UBTF: variants seen among roughly 807,000 people sequenced by gnomAD.
UBTF encodes the protein upstream binding transcription factor.
Under a neutral mutation model 112.3 loss-of-function variants are expected in UBTF, and 8 were observed. The ratio of observed to expected loss-of-function variants is 0.07; its 90% CI spans 0.04 to 0.13. The LOEUF is 0.13. UBTF is among the 10% of genes least tolerant of loss of function. The pLI, the probability that UBTF is intolerant of heterozygous loss-of-function variation, is 1.00. For missense variants in UBTF, 457 were observed against 982.1 expected, an observed-to-expected ratio of 0.47 and a Z score of 7.15; for synonymous variants, 417 against 373.1, an observed-to-expected ratio of 1.12 and a Z score of -1.36.
chr17:44,220,917 C>CTCCG (rs2047157756), upstream of UBTF: 1 of 148,702 alleles, frequency 6.7e-6, no homozygotes, highest in African/African-American at 2.5e-5. Flanking sequence ...GCCCGCCCCG[C>CTCCG]TCCGCCCGCC....
Position 44,211,361 on chromosome 17 carries a change from C to T in UBTF, c.1048-30G>A, listed in dbSNP as rs2056665737. On this transcript the variant is annotated intron_variant, in intron 10 of 20. Coordinates refer to ENST00000436088, the MANE Select transcript of UBTF (RefSeq NM_014233.4). This position sits in a 1 kb window ranked among gnomAD's most constrained non-coding sequence, Gnocchi z 4.9. ...GAAAGTGAGTGGAGTCAGGATCAGT[C>T]TGGAGACAGTGTCACCACAGACCCT... 1 of 1,613,498 alleles carries T rather than the reference C, an allele frequency of 6.2e-7. No homozygotes were observed. The highest frequency in any genetic ancestry group is 1.7e-4 in the Middle Eastern group (1 of 5,784).
Position 44,206,847 on chromosome 17 carries a change from A to G in UBTF, c.*395T>C. 1 of 277,636 alleles carries G rather than the reference A, an allele frequency of 3.6e-6. No homozygotes were observed. The highest frequency in any genetic ancestry group is 6.7e-6 in the Non-Finnish European group (1 of 148,972). 17.2% of individuals were successfully genotyped at this position (277,636 alleles called of 1,614,324 possible). ...TCTGGGAAGGAATGGGTCTTCCCCAAGCTTCCACCCCACCTTGGATTGGGC... is the reference window on the plus strand; with the variant it reads ...TCTGGGAAGGAATGGGTCTTCCCCAGGCTTCCACCCCACCTTGGATTGGGC... On this transcript the variant is annotated 3_prime_UTR_variant, in exon 21 of 21. Transcript: ENST00000436088.
rs750269512 is a variant in UBTF at position 44,207,617 on chromosome 17, A to C, written c.2026-20T>G. On this transcript the variant is annotated intron_variant, in intron 19 of 20. Transcript: ENST00000436088. Reference sequence around the variant, plus strand: ...GGACTCCTTGGAGGGATGGAGGCACATCAGTGGTCTCTGGTCTCTGCCCAA... The same window carrying C: ...GGACTCCTTGGAGGGATGGAGGCACCTCAGTGGTCTCTGGTCTCTGCCCAA... 1 of 1,614,136 alleles carries C rather than the reference A, an allele frequency of 6.2e-7. No homozygotes were observed. The highest frequency in any genetic ancestry group is 8.5e-7 in the Non-Finnish European group (1 of 1,180,004).
At chr17:44,220,038 C>T (rs1330892785), upstream of UBTF, among the ~76,000 whole-genome samples, 1 of 114,082 alleles carries the variant, frequency 8.8e-6, no homozygotes, top group East Asian at 3.1e-4. Context: ...GGTGGTGGTG[C>T]TGGCGGCGGC....
At position 44,209,741 on chromosome 17, in the gene UBTF, G is replaced by C. The variant is rs1198066648; in HGVS notation, c.1627-8C>G. 2 of 1,613,872 alleles carry C rather than the reference G, an allele frequency of 1.2e-6. No homozygotes were observed. Among genetic ancestry groups the C allele is most frequent in the Non-Finnish European group, 1.7e-6 (2 of 1,179,912 alleles). On this transcript the variant is annotated splice_region_variant and splice_polypyrimidine_tract_variant and intron_variant, in intron 15 of 20. Transcript: ENST00000436088. ...CATCTCACTCAGCTCTCTCTGGAGG[G>C]AGAAAGGTCACGCTCACCCCCCAGT... is the stretch of plus-strand genomic sequence containing the variant.
At chr17:44,218,064 C>T (rs2046936034) in intron 2 of UBTF, 108 bp downstream of exon 2, 1 of 1,093,772 alleles carries the variant, frequency 9.1e-7, no homozygotes, top group South Asian at 1.3e-5. Flanking sequence ...CTTTCTCCCC[C>T]AGTTCAGTGT....
chr17:44,216,180 C>G (rs1335480963), intron 3 of UBTF, 191 bp from the exon 4 acceptor site: 3 of 624,282 alleles, frequency 4.8e-6, no homozygotes, highest in Non-Finnish European at 8.4e-6. Context: ...ACCGCAGAGG[C>G]CCAGGCAGTC....
chr17:44,216,871 C>T (rs919788279), intron 2 of UBTF, among the ~76,000 whole-genome samples, 167 bp from the exon 3 acceptor site: 6 of 152,186 alleles, frequency 3.9e-5, no homozygotes, highest in African/African-American at 7.2e-5. Flanking sequence ...AAACTGTGGC[C>T]ATATTGGATC....
Position 44,210,120 on chromosome 17 carries a change from C to A in UBTF, c.1626+4G>T. 2 of 1,614,194 alleles carry A rather than the reference C, an allele frequency of 1.2e-6. No homozygotes were observed. The highest frequency in any genetic ancestry group is 2.2e-5 in the South Asian group (2 of 91,082). On this transcript the variant is annotated splice_donor_region_variant and intron_variant, in intron 15 of 20. Transcript: ENST00000436088. ...GAATGGGGTGGCCCCAGCCCCATTC[C>A]TACCTCATATCGCTTTTGGTCTTCG...
rs752224507 is a variant in UBTF at position 44,211,264 on chromosome 17, C to T, written c.1089+26G>A. 1 of 1,614,238 alleles carries T rather than the reference C, an allele frequency of 6.2e-7. No homozygotes were observed. The highest frequency in any genetic ancestry group is 2.2e-5 in the East Asian group (1 of 44,890). On this transcript the variant is annotated intron_variant, in intron 11 of 20. Coordinates refer to ENST00000436088, the MANE Select transcript of UBTF (RefSeq NM_014233.4). This position sits in a 1 kb window ranked among gnomAD's most constrained non-coding sequence, Gnocchi z 4.9. Reference sequence around the variant, plus strand: ...CTGCCAAGTCCCAGTCTTCTCTGCCCACTGCCCCACCGGAGGAACACTCAC... The same window carrying T: ...CTGCCAAGTCCCAGTCTTCTCTGCCTACTGCCCCACCGGAGGAACACTCAC...
chr17:44,220,556 G>A (rs2047137567), upstream of UBTF, among the ~76,000 whole-genome samples: 1 of 151,472 alleles, frequency 6.6e-6, no homozygotes, highest in African/African-American at 2.4e-5. Context: ...AAAAATCCCC[G>A]TTGCTCTTTA....
chr17:44,214,205 A>G (rs1238504056), intron 5 of UBTF, among the ~76,000 whole-genome samples: 1 of 152,226 alleles, frequency 6.6e-6, no homozygotes, highest in East Asian at 1.9e-4. Flanking sequence ...TGCCTCTTAT[A>G]GAAGCACCAG....
intron 3 of UBTF, chr17:44,216,306 G>T: frequency 1.6e-6 from 1 of 620,460 alleles, no homozygotes; most frequent in Non-Finnish European, 2.8e-6. Flanking sequence ...GCACAGCTCA[G>T]GCTGTTTGGC....
Position 44,209,454 on chromosome 17 carries a change from G to A in UBTF, c.1803C>T (p.Gly601=), listed in dbSNP as rs1160932428. The change falls in exon 17 of 21, where the codon GGC becomes GGT. Residue 601 remains glycine, a synonymous_variant. Coordinates refer to ENST00000436088, the MANE Select transcript of UBTF (RefSeq NM_014233.4). The stretch of plus-strand genomic sequence containing the variant: ...TCTGGGAGATGCGCTGCCAGCGACT[G>A]CCGATCTCCACCATGCGCTCCTTCA... ...LPLKERMVEI[G]SRWQRISQSQ... 4.3e-6 allele frequency: 7 copies of A among 1,614,198 alleles called. No homozygotes were observed. In the South Asian group the frequency reaches 7.7e-5, roughly 18 times the overall value.
At position 44,213,657 on chromosome 17, in the gene UBTF, T is replaced by G. The variant is rs2046693661; in HGVS notation, c.475-375A>C. 5.3e-5 allele frequency among the ~76,000 whole-genome samples: 8 copies of G among 152,206 alleles called. 1 individual carries two copies. The highest frequency in any genetic ancestry group is 5.2e-4 in the Admixed American group (8 of 15,290). On this transcript the variant is annotated intron_variant, in intron 5 of 20. Coordinates refer to ENST00000436088, the MANE Select transcript of UBTF (RefSeq NM_014233.4). ...CTCACAGTGGCGTCGGGTGCAGGCC[T>G]TGCTCCTGTCACTCCCTCTTCTCAC...
At chr17:44,210,500 T>C (rs1181769704) in intron 13 of UBTF, 27 bp from the exon 14 acceptor site, 2 of 1,564,272 alleles carry the variant, frequency 1.3e-6, no homozygotes, top group Non-Finnish European at 1.7e-6. Flanking sequence ...GGCGTCAGCC[T>C]TCCACCCACC....
chr17:44,211,158 C>T lies in UBTF; in HGVS notation c.1090-6G>A, dbSNP rs369992038. The T allele has an allele frequency of 8.5e-5, 137 of 1,612,976 alleles. No individual in the cohort carries two copies. The highest frequency in any genetic ancestry group is 1.1e-4 in the Non-Finnish European group (133 of 1,179,902). On this transcript the variant is annotated splice_polypyrimidine_tract_variant and splice_region_variant and intron_variant, in intron 11 of 20. Coordinates refer to ENST00000436088, the MANE Select transcript of UBTF (RefSeq NM_014233.4). The surrounding 1 kb of genome is among the most constrained non-coding windows in gnomAD (Gnocchi z 4.9). The stretch of plus-strand genomic sequence containing the variant: ...TGCTCCTCCTCAGGCAGGCTCTGGA[C>T]AGGAAAGAGGAGCACGGGGCTGCAT...
In UBTF at chr17:44,207,265, A is replaced by G. The variant is rs1471706919; in HGVS notation, c.2272T>C (p.Ser758Pro). ...CCTCAGTTGGAGTCAGAGTCTGAGG[A>G]GTCCCCTGAGGAGGAGGAGCTGGAG... ...SSSSSSSSGD[S>P]SDSDSN Residue 758 changes from serine (S) to proline (P), a missense_variant, in exon 21 of 21, where the codon TCC becomes CCC. Coordinates refer to ENST00000436088, the MANE Select transcript of UBTF (RefSeq NM_014233.4). The G allele has an allele frequency of 6.2e-7, 1 of 1,613,630 alleles. No homozygotes were observed. The highest frequency in any genetic ancestry group is 2.2e-5 in the East Asian group (1 of 44,866).
chr17:44,211,515 G>A lies in UBTF; in HGVS notation c.1047+91C>T. 1 of 1,562,942 alleles carries A rather than the reference G, an allele frequency of 6.4e-7. No homozygotes were observed. Among genetic ancestry groups the A allele is most frequent in the Non-Finnish European group, 8.7e-7 (1 of 1,153,956 alleles). ...CACTGTATTGGAGGCAGGTACCCAA[G>A]GCACACGCCACCAGGGACTGACTGG... On this transcript the variant is annotated intron_variant, in intron 10 of 20. Transcript: ENST00000436088. This position sits in a 1 kb window ranked among gnomAD's most constrained non-coding sequence, Gnocchi z 4.9.
Sources: gnomAD v4.1 joint callset for allele counts (sites outside exome capture counted in the v4.1 genomes callset) on GRCh38, gnomAD v4.1.1 for gene constraint, Gnocchi (gnomAD v3.1) non-coding constraint, MANE v1.5 for transcripts, NCBI Gene and HGNC (gene_info 2026-07-23, HGNC 2026-07-21) for gene names.